Variants in TENM2 observed in about 807,000 individuals in gnomAD.
TENM2 encodes the protein teneurin-2.
TENM2 carries 52 observed loss-of-function variants against 245.2 expected under a neutral mutation model. The observed-to-expected ratio is 0.21, with a 90% confidence interval of 0.17 to 0.27. The LOEUF is 0.27. Ranked by LOEUF, TENM2 falls within the 10% of genes least tolerant of loss-of-function variation. TENM2 has a pLI of 1.00. For synonymous variants in TENM2, 1,363 were observed against 1,438.9 expected (o/e 0.95, Z 1.19); for missense variants, 3,046 against 3,666.8 (o/e 0.83, Z 4.37).
intron 27 of TENM2, among the ~76,000 whole-genome samples, chr5:168,257,022 C>T (rs1222072182): frequency 6.6e-6 from 1 of 152,150 alleles, no homozygotes; most frequent in East Asian, 1.9e-4. Context: ...TGTGCTCATT[C>T]ATTCATTCAT....
intron 13 of TENM2, among the ~76,000 whole-genome samples, chr5:168,179,134 G>GAAAAAAA (rs35502066): frequency 1.0e-5 from 1 of 99,952 alleles, no homozygotes; most frequent in Non-Finnish European, 1.9e-5. Flanking sequence ...GACTCTGCCT[G>GAAAAAAA]AAAAAAAAAA....
intron 20 of TENM2, 47 bp from the exon 23 acceptor site, chr5:168,214,993 G>A: frequency 6.5e-7 from 1 of 1,535,640 alleles, no homozygotes. Flanking sequence ...TAGGAGGCCA[G>A]CTCCATAGCC....
intron 2 of TENM2, among the ~76,000 whole-genome samples, chr5:167,498,845 C>T (rs1229106031): frequency 5.9e-5 from 9 of 151,960 alleles, no homozygotes; most frequent in Non-Finnish European, 1.3e-4. Context: ...CGTGTGGGAG[C>T]GGATTACTGA....
chr5:167,540,281 C>A (rs2127603138), intron 2 of TENM2, among the ~76,000 whole-genome samples: 1 of 152,256 alleles, frequency 6.6e-6, no homozygotes, highest in South Asian at 2.1e-4. Context: ...AAGTACAGCT[C>A]CTGATTTGCA....
intron 7 of TENM2, among the ~76,000 whole-genome samples, chr5:168,067,103 G>A (rs984200083): frequency 1.3e-5 from 2 of 152,158 alleles, no homozygotes; most frequent in African/African-American, 2.4e-5. Context: ...GCCCTGCTGG[G>A]ACTTCACCTT....
intron 2 of TENM2, among the ~76,000 whole-genome samples, chr5:167,448,897 C>T (rs1469317672): frequency 1.3e-5 from 2 of 151,670 alleles, no homozygotes; most frequent in African/African-American, 2.4e-5. Context: ...AGAAGCGGGG[C>T]AATGCAAAAA....
At chr5:167,942,010 C>A (rs1192474907) in intron 3 of TENM2, among the ~76,000 whole-genome samples, 3 of 152,242 alleles carry the variant, frequency 2.0e-5, no homozygotes, top group Admixed American at 1.3e-4. Flanking sequence ...GAGTTTGAGA[C>A]CAGCCTGGCC....
At chr5:167,964,947 A>T (rs1451275581) in intron 4 of TENM2, among the ~76,000 whole-genome samples, 1 of 152,176 alleles carries the variant, frequency 6.6e-6, no homozygotes, top group African/African-American at 2.4e-5. Flanking sequence ...TTTGCTTTTA[A>T]TAATGATAGC....
chr5:167,654,897 A>G (rs1002126983), intron 2 of TENM2, among the ~76,000 whole-genome samples: 2 of 152,146 alleles, frequency 1.3e-5, no homozygotes, highest in African/African-American at 2.4e-5. Context: ...TACTTTTGCA[A>G]TAGAATTCTC....
At chr5:168,205,521 T>C (rs1581629716) in intron 19 of TENM2, among the ~76,000 whole-genome samples, 1 of 151,984 alleles carries the variant, frequency 6.6e-6, no homozygotes, top group South Asian at 2.1e-4. Flanking sequence ...CTACGTAAGG[T>C]GAATTAGTTG....
intron 4 of TENM2, among the ~76,000 whole-genome samples, chr5:167,990,761 T>C (rs1458742443): frequency 6.6e-6 from 1 of 152,242 alleles, no homozygotes. Flanking sequence ...AATAATTCAC[T>C]AATCAGATAC....
chr5:167,123,031 C>T, the TENM2 span, among the ~76,000 whole-genome samples: 5 of 152,064 alleles, frequency 3.3e-5, no homozygotes, highest in African/African-American at 1.2e-4. Flanking sequence ...GGTGCAGTGG[C>T]TCATACCTGT....
At chr5:167,133,776 C>A in the TENM2 span, among the ~76,000 whole-genome samples, 6 of 151,778 alleles carry the variant, frequency 4.0e-5, 1 homozygote, top group South Asian at 1.0e-3. Flanking sequence ...TCATTATATT[C>A]CCCTAATATT....
chr5:167,776,487 T>C (rs1763783319), intron 2 of TENM2, among the ~76,000 whole-genome samples: 1 of 149,018 alleles, frequency 6.7e-6, no homozygotes, highest in Non-Finnish European at 1.5e-5. Context: ...TCCCAGCTAC[T>C]TGGGGTCTGA....
chr5:167,254,804 G>T, the TENM2 span, among the ~76,000 whole-genome samples: 1 of 152,168 alleles, frequency 6.6e-6, no homozygotes, highest in East Asian at 1.9e-4. Flanking sequence ...GGCAACATGG[G>T]ATCAAGGAGA....
chr5:168,021,634 A>G (rs1200254360), intron 5 of TENM2, among the ~76,000 whole-genome samples: 2 of 152,222 alleles, frequency 1.3e-5, no homozygotes, highest in African/African-American at 2.4e-5. Context: ...ACACTCAAGA[A>G]AAACCATGGC....
the TENM2 span, among the ~76,000 whole-genome samples, chr5:167,017,944 G>A: frequency 5.3e-5 from 8 of 152,254 alleles, 1 homozygote; most frequent in East Asian, 1.5e-3. Context: ...AAAGGAAATA[G>A]GAAAATGGGG....
chr5:166,989,401 A>G, the TENM2 span, among the ~76,000 whole-genome samples: 1 of 151,806 alleles, frequency 6.6e-6, no homozygotes, highest in East Asian at 1.9e-4. Flanking sequence ...CTGGGACTAC[A>G]GACACACACC....
intron 2 of TENM2, among the ~76,000 whole-genome samples, chr5:167,469,147 T>C (rs1214373739): frequency 1.3e-5 from 2 of 152,136 alleles, no homozygotes; most frequent in Non-Finnish European, 2.9e-5. Flanking sequence ...GTAAAGTTTG[T>C]GGGTTTTCTT....
Sources: allele counts gnomAD v4.1 joint callset (sites outside exome capture counted in the v4.1 genomes callset), GRCh38; gene constraint gnomAD v4.1.1; transcripts MANE v1.5; gene names NCBI Gene and HGNC (gene_info 2026-07-23, HGNC 2026-07-21).